The following PHF21B variants were observed in gnomAD, a reference collection of about 807,000 sequenced individuals.
PHF21B encodes PHD finger protein 4.
In PHF21B, 22 loss-of-function variants were observed where a neutral mutation model predicts 62.2. The observed-to-expected ratio is 0.35, with a 90% confidence interval of 0.25 to 0.51. PHF21B has a LOEUF of 0.51. Among genes scored for constraint, PHF21B ranks in the 20% least tolerant of loss-of-function variants. The pLI, the probability that PHF21B is intolerant of heterozygous loss-of-function variation, is 0.97. For synonymous variants in PHF21B, 341 were observed against 314.7 expected, an observed-to-expected ratio of 1.08 and a Z score of -0.88; for missense variants, 701 against 707.9, an observed-to-expected ratio of 0.99 and a Z score of 0.11.
chr22:44,914,446 G>A (rs2071400515), intron 4 of PHF21B, among the ~76,000 whole-genome samples: 2 of 152,208 alleles, frequency 1.3e-5, no homozygotes, highest in South Asian at 4.1e-4. Flanking sequence ...TCTCCCCAGG[G>A]AGGCCGTGCA....
At chr22:44,974,960 GAAAC>G (rs1300680532) in intron 2 of PHF21B, among the ~76,000 whole-genome samples, 1 of 152,192 alleles carries the variant, frequency 6.6e-6, no homozygotes. Flanking sequence ...GTTGTGATGA[GAAAC>G]AAACATCCTA....
chr22:44,979,465 G>C (rs112316037), intron 2 of PHF21B, among the ~76,000 whole-genome samples: 1 of 152,230 alleles, frequency 6.6e-6, no homozygotes, highest in African/African-American at 2.4e-5. Flanking sequence ...TAGGAAGGCA[G>C]ACCCTGACCC....
At chr22:44,902,753 AT>A (rs144931568) in intron 5 of PHF21B, among the ~76,000 whole-genome samples, 5,392 of 151,398 alleles carry the variant, frequency 0.036, 293 homozygotes, top group African/African-American at 0.12. Context: ...CAGGATATCA[AT>A]TTTTTTTTCC....
chr22:44,916,752 G>A (rs2071443172), intron 3 of PHF21B, 122 bp from the exon 4 acceptor site: 2 of 887,988 alleles, frequency 2.3e-6, no homozygotes, highest in Admixed American at 4.7e-5. Flanking sequence ...AAAGAGCACA[G>A]CGCCTGTCAC....
Position 44,992,070 on chromosome 22 carries a change from T to C in PHF21B, c.120+16475A>G, listed in dbSNP as rs1180053655. ...CGTCCCTTCTCTTGACCAATGTAAG[T>C]GACGGGGAGTGCACTGCCTCAAGGG... On this transcript the variant is annotated intron_variant, in intron 2 of 12. Transcript: ENST00000313237. Among the ~76,000 whole-genome samples, 5 of 152,218 alleles carry C rather than the reference T, an allele frequency of 3.3e-5. No homozygotes were observed. The East Asian group carries it at 9.6e-4, about 29-fold the overall frequency.
chr22:45,008,841 C>T lies in PHF21B; in HGVS notation c.55-231G>A, dbSNP rs1056875085. 6 of 1,182,754 alleles carry T rather than the reference C, an allele frequency of 5.1e-6. No homozygotes were observed. In the African/African-American group the frequency reaches 9.7e-5, roughly 19 times the overall value. The allele number at this position is 1,182,754 out of a possible 1,614,324, so 73.3% of individuals were successfully genotyped here. ...GCAGCTCGCGGGGCGGGGCGGGGGCCGAGGCCACCCGGCGGCGCGCCCCGA... is the reference window on the plus strand; with the variant it reads ...GCAGCTCGCGGGGCGGGGCGGGGGCTGAGGCCACCCGGCGGCGCGCCCCGA... On this transcript the variant is annotated intron_variant, in intron 1 of 12. Coordinates refer to ENST00000313237, the MANE Select transcript of PHF21B (RefSeq NM_138415.5).
intron 2 of PHF21B, among the ~76,000 whole-genome samples, chr22:44,997,067 T>C (rs1033245403): frequency 5.3e-5 from 8 of 152,162 alleles, no homozygotes; most frequent in African/African-American, 1.9e-4. Context: ...ACAAGGCCTA[T>C]TGTGCCCACT....
intron 2 of PHF21B, among the ~76,000 whole-genome samples, chr22:44,924,329 G>A (rs9614984): frequency 0.31 from 46,709 of 152,078 alleles, 8,916 homozygotes; most frequent in Non-Finnish European, 0.42. Flanking sequence ...CACTGCTGTC[G>A]GGAACATAAA....
At chr22:45,008,671 CCG>C (rs1188174319) in intron 1 of PHF21B, 61 bp from the exon 2 acceptor site, 1 of 1,320,300 alleles carries the variant, frequency 7.6e-7, no homozygotes, top group African/African-American at 1.5e-5. Flanking sequence ...CACCCCAGCA[CCG>C]CGGGCCGCGG....
chr22:45,007,214 G>A (rs2073332404), intron 2 of PHF21B, among the ~76,000 whole-genome samples: 1 of 65,398 alleles, frequency 1.5e-5, no homozygotes, highest in Non-Finnish European at 3.1e-5. Context: ...CTTCCTTTCA[G>A]CAAGCCCGGC....
At chr22:44,910,889 G>C (rs899382024) in intron 5 of PHF21B, among the ~76,000 whole-genome samples, 1 of 152,172 alleles carries the variant, frequency 6.6e-6, no homozygotes, top group African/African-American at 2.4e-5. Flanking sequence ...GAAGAAGACA[G>C]AAAAATATGG....
intron 2 of PHF21B, among the ~76,000 whole-genome samples, chr22:44,983,766 C>A (rs2072884824): frequency 6.6e-6 from 1 of 152,166 alleles, no homozygotes; most frequent in East Asian, 1.9e-4. Context: ...ACAGTTTTTA[C>A]TTCCTGCTTT....
At chr22:44,897,724 T>C (rs2071085135) in intron 5 of PHF21B, among the ~76,000 whole-genome samples, 1 of 152,216 alleles carries the variant, frequency 6.6e-6, no homozygotes, top group African/African-American at 2.4e-5. Context: ...AGTTCCTGTA[T>C]ACCCCACACC....
intron 2 of PHF21B, among the ~76,000 whole-genome samples, chr22:44,955,016 G>A (rs925070864): frequency 4.6e-5 from 7 of 152,180 alleles, no homozygotes; most frequent in Non-Finnish European, 1.0e-4. Context: ...CAGAAGCCAT[G>A]ATCAAGCAAA....
At chr22:45,008,297 G>C (rs1469528337) in intron 2 of PHF21B, 6 of 360,310 alleles carry the variant, frequency 1.7e-5, no homozygotes, top group African/African-American at 4.2e-5. Context: ...TGGACGCCGG[G>C]CCGCGCGCTG....
intron 2 of PHF21B, among the ~76,000 whole-genome samples, chr22:44,980,038 C>T (rs1274179383): frequency 7.1e-6 from 1 of 140,164 alleles, no homozygotes; most frequent in African/African-American, 2.7e-5. Context: ...CACTGCACTC[C>T]AGCCTGGGCA....
intron 3 of PHF21B, among the ~76,000 whole-genome samples, chr22:44,916,948 AG>A (rs2071447129): frequency 2.0e-5 from 3 of 152,268 alleles, no homozygotes; most frequent in Admixed American, 2.0e-4. Flanking sequence ...CAGTCTGTGC[AG>A]TGTGACGCCC....
In PHF21B at chr22:45,008,625, A is replaced by AG; in HGVS notation, c.55-16dup. 6.4e-7 allele frequency: 1 copy of AG among 1,563,704 alleles called. No individual in the cohort carries two copies. Among genetic ancestry groups the AG allele is most frequent in the African/African-American group, 1.4e-5 (1 of 73,572 alleles). The stretch of plus-strand genomic sequence containing the variant: ...AGGTCGCCGTTCTGCGGAAACACGG[A>AG]GGAGCGGGCTCAGGCAGGCCACCCG... On this transcript the variant is annotated splice_polypyrimidine_tract_variant and intron_variant, in intron 1 of 12. Transcript: ENST00000313237.
chr22:45,009,970 C>A lies in PHF21B; in HGVS notation c.-421G>T, dbSNP rs2073394832. On this transcript the variant is annotated 5_prime_UTR_variant, in exon 1 of 13. Transcript: ENST00000313237. This position sits in a 1 kb window ranked among gnomAD's most constrained non-coding sequence, Gnocchi z 5.9. ...GCGCCTGGATCTCGTTGGGCCTCGG[C>A]AAAGTTGTGCCTCGGCACGATGCTA... 6.8e-6 allele frequency: 1 copy of A among 146,420 alleles called. No individual in the cohort carries two copies. Among genetic ancestry groups the A allele is most frequent in the African/African-American group, 2.5e-5 (1 of 40,744 alleles). The allele number at this position is 146,420 out of a possible 1,614,324, so 9.1% of individuals were successfully genotyped here. A position where few individuals can be genotyped will look rare whatever the true frequency, so the allele number is the denominator to read the frequency against.
Sources: allele counts gnomAD v4.1 joint callset (sites outside exome capture counted in the v4.1 genomes callset), GRCh38; gene constraint gnomAD v4.1.1; non-coding constraint Gnocchi (gnomAD v3.1); transcripts MANE v1.5; gene names NCBI Gene and HGNC (gene_info 2026-07-23, HGNC 2026-07-21).